The following GLS2 variants were observed in gnomAD, a reference collection of about 807,000 sequenced individuals.
The protein encoded by GLS2 is glutaminase 2, also known as glutaminase liver isoform, mitochondrial.
GLS2 carries 52 observed loss-of-function variants against 79.0 expected under a neutral mutation model. The ratio of observed to expected loss-of-function variants is 0.66; its 90% CI spans 0.53 to 0.83. GLS2 has a LOEUF of 0.83. Among genes scored for constraint, GLS2 ranks in the 40% least tolerant of loss-of-function variants. The pLI is 0.00. For missense variants in GLS2, 561 were observed against 764.8 expected (o/e 0.73, Z 3.14); for synonymous variants, 238 against 280.8 (o/e 0.85, Z 1.52).
At chr12:56,472,913 A>C in intron 14 of GLS2, 162 bp from the exon 15 acceptor site, 1 of 559,004 alleles carries the variant, frequency 1.8e-6, no homozygotes, top group Non-Finnish European at 3.0e-6. Context: ...TTTGAGACGG[A>C]GTCTCGCTCT....
rs201727042 is a variant in GLS2 at position 56,486,958 on chromosome 12, G to A, written c.182+979C>T. ...GAGACTCGAGTAGTGGTGAGGTAGT[G>A]TTGTGTCAGAGACTCGAGTAGTGGT... On this transcript the variant is annotated intron_variant, in intron 1 of 17. Transcript: ENST00000311966. Among the ~76,000 whole-genome samples, 32 of 62,604 alleles carry A rather than the reference G, an allele frequency of 5.1e-4. No individual in the cohort carries two copies. In the East Asian group the frequency reaches 0.011, roughly 21 times the overall value. 41.1% of individuals were successfully genotyped at this position (62,604 alleles called of 152,430 possible).
At chr12:56,474,280 G>A in intron 12 of GLS2, 1 of 438,012 alleles carries the variant, frequency 2.3e-6, no homozygotes, top group Non-Finnish European at 4.2e-6. Flanking sequence ...GTAGAGATGG[G>A]GTTTCACCAT....
chr12:56,487,833 A>AG lies in GLS2; in HGVS notation c.182+103dup, dbSNP rs1463652403. The AG allele has an allele frequency of 2.3e-6, 3 of 1,276,742 alleles. No individual in the cohort carries two copies. The African/African-American group carries it at 4.6e-5, about 19-fold the overall frequency. The allele number at this position is 1,276,742 out of a possible 1,614,324, so 79.1% of individuals were successfully genotyped here. ...GCACCGAGGGCTAGTGAGCGAGGAG[A>AG]GGGGAGATGAGCGGCGCTGCCTTGG... is the stretch of plus-strand genomic sequence containing the variant. On this transcript the variant is annotated intron_variant, in intron 1 of 17. Transcript: ENST00000311966.
rs1457457453 is a variant in GLS2, at chr12:56,487,962, T to A, written c.157A>T (p.Ser53Cys). ...TGATCCTGGTGCTGCGGCTGGTGGCTGTGTGGCGTCTCTCTGCCCTGCGCC... is the reference window on the plus strand; with the variant it reads ...TGATCCTGGTGCTGCGGCTGGTGGCAGTGTGGCGTCTCTCTGCCCTGCGCC... ...AAAQGRETPH[S>C]HQPQHQDHDS... Residue 53 changes from serine (S) to cysteine (C), a missense_variant, in exon 1 of 18, where the codon AGC becomes TGC. Physicochemically the swap from Ser to Cys is moderately radical, Grantham distance 112 (BLOSUM62 -1). Coordinates refer to ENST00000311966, the MANE Select transcript of GLS2 (RefSeq NM_013267.4). 2 of 1,603,028 alleles carry A rather than the reference T, an allele frequency of 1.2e-6. No individual in the cohort carries two copies. The highest frequency in any genetic ancestry group is 2.2e-5 in the East Asian group (1 of 44,844).
intron 1 of GLS2, among the ~76,000 whole-genome samples, chr12:56,481,647 T>C (rs1450660199): frequency 6.6e-6 from 1 of 151,188 alleles, no homozygotes; most frequent in Non-Finnish European, 1.5e-5. Flanking sequence ...TCCCAGCACT[T>C]TGGGAGGCTG....
chr12:56,486,182 T>C (rs576880003), intron 1 of GLS2, among the ~76,000 whole-genome samples: 147 of 152,232 alleles, frequency 9.7e-4, no homozygotes, highest in African/African-American at 3.4e-3. Context: ...CACTCTCCAG[T>C]GCTCTCAACC....
rs769514066 is a variant in GLS2, at chr12:56,487,945, G to T, written c.174C>A (p.His58Gln). 21 of 1,603,178 alleles carry T rather than the reference G, an allele frequency of 1.3e-5. No individual in the cohort carries two copies. The highest frequency in any genetic ancestry group is 1.7e-5 in the Non-Finnish European group (20 of 1,179,652). The change falls in exon 1 of 18, where the codon CAC (histidine) becomes CAA (glutamine). Residue 58 changes from histidine to glutamine, a missense_variant. Physicochemically the swap from His to Gln is conservative, Grantham distance 24 (BLOSUM62 0). Around this residue, in one of 4 missense-constraint regions of GLS2, gnomAD observed 161 missense variants for 167.8 expected, o/e 0.96. Coordinates refer to ENST00000311966, the MANE Select transcript of GLS2 (RefSeq NM_013267.4). The stretch of plus-strand genomic sequence containing the variant: ...TGTCCCAGGAGCCTTACTGATCCTG[G>T]TGCTGCGGCTGGTGGCTGTGTGGCG... Reference protein sequence around the residue: ...RETPHSHQPQHQDHDSSESGM... With the variant: ...RETPHSHQPQQQDHDSSESGM...
chr12:56,473,629 G>A lies in GLS2; in HGVS notation c.1225-35C>T, dbSNP rs189369144. 298 of 1,582,714 alleles carry A rather than the reference G, an allele frequency of 1.9e-4. 2 individuals are homozygous for A. The East Asian group carries it at 6.7e-3, about 36-fold the overall frequency. On this transcript the variant is annotated intron_variant, in intron 12 of 17. Coordinates refer to ENST00000311966, the MANE Select transcript of GLS2 (RefSeq NM_013267.4). The stretch of plus-strand genomic sequence containing the variant: ...AGAACTGAAGCTGAGGATAAAGTGG[G>A]TGTGCCCCAAATCAGAAAATAAACA...
chr12:56,485,117 AAGAT>A (rs1870579921), intron 1 of GLS2, among the ~76,000 whole-genome samples: 1 of 152,224 alleles, frequency 6.6e-6, no homozygotes. Context: ...ATAAATGAAA[AAGAT>A]AAGTTCAAGA....
intron 12 of GLS2, chr12:56,474,235 G>C: frequency 2.8e-6 from 1 of 354,492 alleles, no homozygotes; most frequent in Middle Eastern, 9.5e-4. Context: ...GATTACAGGT[G>C]CACACCACCA....
chr12:56,480,249 T>TAAGGAATTAGGA (rs1870173925), intron 2 of GLS2, 39 bp downstream of exon 2: 1 of 1,553,290 alleles, frequency 6.4e-7, no homozygotes, highest in African/African-American at 1.4e-5. Flanking sequence ...TCAGAGATCT[T>TAAGGAATTAGGA]AAGGAATTAG....
intron 1 of GLS2, among the ~76,000 whole-genome samples, chr12:56,481,677 G>C (rs908782368): frequency 6.6e-6 from 1 of 150,662 alleles, no homozygotes; most frequent in African/African-American, 2.5e-5. Context: ...GATCACCTGA[G>C]GTTAGGAGTT....
Position 56,477,954 on chromosome 12 carries a change from T to G in GLS2, c.757A>C (p.Lys253Gln). The part of the protein sequence containing the change: ...GKEPSGLRYN[K>Q]LSLNEEGIPH... ...TCACCTTCCTCATTGAGGGAGAGCT[T>G]GTTGTAGCGCAGGCCACTTGGCTCT... The change falls in exon 6 of 18, where the codon AAG becomes CAG. Residue 253 changes from lysine (K) to glutamine (Q), a missense_variant. Physicochemically the swap from Lys to Gln is moderately conservative, Grantham distance 53. Coordinates refer to ENST00000311966, the MANE Select transcript of GLS2 (RefSeq NM_013267.4). 1.2e-6 allele frequency: 2 copies of G among 1,613,752 alleles called. No individual in the cohort carries two copies. The highest frequency in any genetic ancestry group is 1.7e-6 in the Non-Finnish European group (2 of 1,179,722).
intron 11 of GLS2, 46 bp from the exon 12 acceptor site, chr12:56,474,766 T>C: frequency 6.2e-7 from 1 of 1,611,752 alleles, no homozygotes; most frequent in Non-Finnish European, 8.5e-7. Flanking sequence ...AACCTGCACA[T>C]GGGACCCTCG....
In GLS2 at chr12:56,479,178, A is replaced by G; in HGVS notation, c.408T>C (p.Cys136=). The G allele has an allele frequency of 6.2e-7, 1 of 1,613,614 alleles. No homozygotes were observed. Among genetic ancestry groups the G allele is most frequent in the Non-Finnish European group, 8.5e-7 (1 of 1,179,976 alleles). Residue 136 remains cysteine, a synonymous_variant, in exon 4 of 18, where the codon TGT becomes TGC. Coordinates refer to ENST00000311966, the MANE Select transcript of GLS2 (RefSeq NM_013267.4). ...GLLDRDLFRK[C]VSSNIVLLTQ... Reference sequence around the variant, plus strand: ...TCAGGAGCACAATGTTGCTGCTCACACACCTGGATCCCAGACACGATTGGA... The same window carrying G: ...TCAGGAGCACAATGTTGCTGCTCACGCACCTGGATCCCAGACACGATTGGA...
intron 12 of GLS2, 61 bp downstream of exon 12, chr12:56,474,483 C>A: frequency 1.9e-6 from 3 of 1,585,290 alleles, no homozygotes; most frequent in Non-Finnish European, 2.6e-6. Context: ...TTGAGAGAGT[C>A]AGTGTTCTCT....
At chr12:56,483,403 A>G (rs931328702) in intron 1 of GLS2, among the ~76,000 whole-genome samples, 2 of 152,082 alleles carry the variant, frequency 1.3e-5, no homozygotes, top group African/African-American at 2.4e-5. Context: ...AGTAATAGTA[A>G]GATTAGAAAC....
chr12:56,477,832 C>T, intron 6 of GLS2, 101 bp downstream of exon 6: 1 of 1,541,444 alleles, frequency 6.5e-7, no homozygotes, highest in Non-Finnish European at 8.8e-7. Context: ...CATGACAGGG[C>T]TAATCAGGAA....
intron 1 of GLS2, among the ~76,000 whole-genome samples, chr12:56,482,270 A>G (rs1870359261): frequency 6.6e-6 from 1 of 152,180 alleles, no homozygotes; most frequent in South Asian, 2.1e-4. Flanking sequence ...CTGCCCACTT[A>G]ACTTTCCTAT....
Sources: gnomAD v4.1 joint callset for allele counts (sites outside exome capture counted in the v4.1 genomes callset) on GRCh38, gnomAD v4.1.1 for gene constraint, gnomAD v4.1.1 regional missense constraint, MANE v1.5 for transcripts, NCBI Gene and HGNC (gene_info 2026-07-23, HGNC 2026-07-21) for gene names.